Variants in VDAC1 observed in about 807,000 individuals in gnomAD.
VDAC1 encodes non-selective voltage-gated ion channel VDAC1.
Under a neutral mutation model 34.7 loss-of-function variants are expected in VDAC1, and 10 were observed. That is an observed-to-expected ratio of 0.29 (90% CI 0.18 to 0.49). The LOEUF is 0.49. VDAC1 is among the 20% of genes least tolerant of loss of function. The probability of loss-of-function intolerance (pLI) is 0.99; values close to 1 mark genes in which losing one functional copy is unlikely to be tolerated. For missense variants in VDAC1, 230 were observed against 347.9 expected, an observed-to-expected ratio of 0.66 and a Z score of 2.69; for synonymous variants, 130 against 136.0, an observed-to-expected ratio of 0.96 and a Z score of 0.30.
At chr5:134,001,938 A>T (rs1753574327) in intron 1 of VDAC1, among the ~76,000 whole-genome samples, 1 of 152,024 alleles carries the variant, frequency 6.6e-6, no homozygotes. Context: ...CCAGCTGAGG[A>T]GCCCACTGGT....
chr5:134,060,756 T>A, the VDAC1 span, among the ~76,000 whole-genome samples: 1 of 151,616 alleles, frequency 6.6e-6, no homozygotes, highest in Admixed American at 6.6e-5. Flanking sequence ...CTATAAATCA[T>A]ATATATGTTG....
At chr5:134,100,051 C>T in the VDAC1 span, among the ~76,000 whole-genome samples, 1 of 152,224 alleles carries the variant, frequency 6.6e-6, no homozygotes, top group African/African-American at 2.4e-5. Flanking sequence ...ATGTGGCTGG[C>T]CCTGTGCATA....
the VDAC1 span, among the ~76,000 whole-genome samples, chr5:134,017,828 G>A: frequency 6.6e-6 from 1 of 152,068 alleles, no homozygotes; most frequent in Admixed American, 6.5e-5. Context: ...CAGGAGAATG[G>A]TGTGAACCCA....
chr5:134,057,128 A>T, the VDAC1 span, among the ~76,000 whole-genome samples: 4 of 151,822 alleles, frequency 2.6e-5, no homozygotes, highest in South Asian at 4.2e-4. Flanking sequence ...TGACATCAGG[A>T]GTTCGAGACC....
At chr5:134,112,622 GA>G in the VDAC1 span, among the ~76,000 whole-genome samples, 1 of 151,854 alleles carries the variant, frequency 6.6e-6, no homozygotes, top group Admixed American at 6.5e-5. Context: ...AACAGATGGG[GA>G]AAAAAATGTT....
At chr5:133,979,675 G>A (rs1049513841) in intron 6 of VDAC1, among the ~76,000 whole-genome samples, 1 of 152,012 alleles carries the variant, frequency 6.6e-6, no homozygotes, top group Admixed American at 6.5e-5. Flanking sequence ...TGATCCACCC[G>A]CCTCGGCCTC....
the VDAC1 span, among the ~76,000 whole-genome samples, chr5:134,101,910 G>C: frequency 6.6e-6 from 1 of 152,238 alleles, no homozygotes; most frequent in African/African-American, 2.4e-5. Context: ...TTCATTCCAA[G>C]AGACACCCTT....
chr5:134,087,448 C>T, the VDAC1 span, among the ~76,000 whole-genome samples: 1 of 152,192 alleles, frequency 6.6e-6, no homozygotes, highest in East Asian at 1.9e-4. Flanking sequence ...TGAGGAACCC[C>T]GACCCCACAA....
chr5:134,069,958 A>T, the VDAC1 span, among the ~76,000 whole-genome samples: 1 of 152,076 alleles, frequency 6.6e-6, no homozygotes. Flanking sequence ...CTACACTCTC[A>T]CCAGCACCCT....
the VDAC1 span, among the ~76,000 whole-genome samples, chr5:134,040,861 C>T: frequency 1.3e-5 from 2 of 152,180 alleles, no homozygotes; most frequent in Non-Finnish European, 2.9e-5. Flanking sequence ...GTCAGTTCTC[C>T]CTGAATTACT....
the VDAC1 span, among the ~76,000 whole-genome samples, chr5:134,070,902 GCA>G: frequency 6.6e-6 from 1 of 152,182 alleles, no homozygotes; most frequent in Non-Finnish European, 1.5e-5. Context: ...TCAGAGGTCT[GCA>G]CAGTTTTAAA....
the VDAC1 span, among the ~76,000 whole-genome samples, chr5:134,032,005 T>G: frequency 4.1e-5 from 6 of 148,140 alleles, no homozygotes; most frequent in Non-Finnish European, 1.5e-5. Context: ...GTCATGCACC[T>G]GTAGTCCCAG....
the VDAC1 span, among the ~76,000 whole-genome samples, chr5:134,086,841 G>A: frequency 6.6e-6 from 1 of 152,076 alleles, no homozygotes. Flanking sequence ...CCCTTGTGAC[G>A]TTCATCTTAA....
chr5:134,051,028 T>C, the VDAC1 span, among the ~76,000 whole-genome samples: 1 of 152,246 alleles, frequency 6.6e-6, no homozygotes, highest in Non-Finnish European at 1.5e-5. Flanking sequence ...GTATGTGTTG[T>C]GCCCTGCACA....
chr5:134,060,895 T>TTTTTTTTTTTG, the VDAC1 span, among the ~76,000 whole-genome samples: 1 of 144,814 alleles, frequency 6.9e-6, no homozygotes, highest in Non-Finnish European at 1.5e-5. Context: ...TTTTTTTTTT[T>TTTTTTTTTTTG]GAGACAGGGT....
chr5:134,068,113 A>G, the VDAC1 span, among the ~76,000 whole-genome samples: 8 of 151,968 alleles, frequency 5.3e-5, no homozygotes, highest in Admixed American at 3.3e-4. Context: ...GGGAGACTAC[A>G]TCTCAAAAAA....
chr5:133,973,401 C>T (rs1289427281), intron 8 of VDAC1, among the ~76,000 whole-genome samples: 1 of 152,194 alleles, frequency 6.6e-6, no homozygotes, highest in African/African-American at 2.4e-5. Flanking sequence ...CGTGGACTGG[C>T]CTAGCCAACT....
the VDAC1 span, among the ~76,000 whole-genome samples, chr5:134,061,085 G>A: frequency 1.0e-3 from 152 of 149,448 alleles, 1 homozygote; most frequent in South Asian, 6.8e-3. Flanking sequence ...TATTGGTCTC[G>A]AACTCCTGAC....
At chr5:134,085,647 G>C in the VDAC1 span, among the ~76,000 whole-genome samples, 1 of 143,122 alleles carries the variant, frequency 7.0e-6, no homozygotes, top group Non-Finnish European at 1.5e-5. Flanking sequence ...CAGCCCTCCG[G>C]AAGGCAAAGG....
Sources: allele counts gnomAD v4.1 joint callset (sites outside exome capture counted in the v4.1 genomes callset), GRCh38; gene constraint gnomAD v4.1.1; transcripts MANE v1.5; gene names NCBI Gene and HGNC (gene_info 2026-07-23, HGNC 2026-07-21).